The following VAT1L variants were observed in gnomAD, a reference collection of about 807,000 sequenced individuals.
VAT1L encodes the protein putative NADPH-dependent quinone oxidoreductase VAT1L.
In VAT1L, 34 loss-of-function variants were observed where a neutral mutation model predicts 44.1. The ratio of observed to expected loss-of-function variants is 0.77; its 90% CI spans 0.59 to 1.03. The LOEUF is 1.03. VAT1L is among the 50% of genes least tolerant of loss of function. VAT1L has a pLI of 0.00. For missense variants in VAT1L, 615 were observed against 538.8 expected (o/e 1.14, Z -1.40); for synonymous variants, 253 against 202.2 (o/e 1.25, Z -2.13).
chr16:77,971,319 T>C (rs366434), intron 7 of VAT1L, among the ~76,000 whole-genome samples: 152,340 of 152,340 alleles, frequency 1, 76,170 homozygotes, highest in Non-Finnish European at 1. Flanking sequence ...GGGGAGAATA[T>C]TATAGTGTTG....
intron 1 of VAT1L, among the ~76,000 whole-genome samples, chr16:77,796,109 G>A (rs960272430): frequency 3.9e-5 from 6 of 152,144 alleles, no homozygotes; most frequent in African/African-American, 1.4e-4. Context: ...TTACAGGCAT[G>A]AGGCACCACA....
At chr16:77,872,245 T>C (rs1267695285) in intron 4 of VAT1L, among the ~76,000 whole-genome samples, 20 of 152,112 alleles carry the variant, frequency 1.3e-4, no homozygotes, top group Admixed American at 1.3e-3. Flanking sequence ...CTCCCCTGCG[T>C]ACCCACCTCC....
At chr16:77,874,033 A>G (rs1429632990) in intron 4 of VAT1L, among the ~76,000 whole-genome samples, 1 of 152,164 alleles carries the variant, frequency 6.6e-6, no homozygotes, top group Non-Finnish European at 1.5e-5. Context: ...GACTAATACA[A>G]GGAGATATGA....
In VAT1L at chr16:77,884,708, C is replaced by T. The variant is rs772658248; in HGVS notation, c.983C>T (p.Ala328Val). The change falls in exon 7 of 9, where the codon GCG (alanine) becomes GTG (valine). Residue 328 changes from alanine (A) to valine (V), a missense_variant. Coordinates refer to ENST00000302536, the MANE Select transcript of VAT1L (RefSeq NM_020927.3). The surrounding 1 kb of genome is among the most constrained non-coding windows in gnomAD (Gnocchi z 4.5). ...LLNLLFKQGR[A>V]GLIRGVVEKL... The stretch of plus-strand genomic sequence containing the variant: ...AATCTGCTCTTCAAACAAGGCCGGG[C>T]GGGCCTCATTCGGGGAGTGGTGGAA... 21 of 1,610,484 alleles carry T rather than the reference C, an allele frequency of 1.3e-5. No individual in the cohort carries two copies. Among genetic ancestry groups the T allele is most frequent in the Admixed American group, 1.7e-5 (1 of 59,612 alleles).
chr16:77,856,350 A>G (rs983005326), intron 3 of VAT1L, among the ~76,000 whole-genome samples: 1 of 152,174 alleles, frequency 6.6e-6, no homozygotes, highest in African/African-American at 2.4e-5. Context: ...CTGATGCTAA[A>G]TCCTGAATCT....
intron 2 of VAT1L, among the ~76,000 whole-genome samples, chr16:77,818,280 C>T (rs771013662): frequency 1.3e-5 from 2 of 152,298 alleles, no homozygotes; most frequent in South Asian, 2.1e-4. Flanking sequence ...GATCAATATG[C>T]TCCAAATTCA....
intron 7 of VAT1L, among the ~76,000 whole-genome samples, chr16:77,936,685 C>T (rs924973494): frequency 6.6e-6 from 1 of 152,138 alleles, no homozygotes; most frequent in East Asian, 1.9e-4. Context: ...AGGTTCCACA[C>T]AGGAAGAGGA....
intron 1 of VAT1L, among the ~76,000 whole-genome samples, chr16:77,814,938 T>C (rs557700216): frequency 4.3e-4 from 65 of 152,358 alleles, no homozygotes; most frequent in Non-Finnish European, 7.9e-4. Flanking sequence ...ATACTGACTA[T>C]GTACGTGGCA....
At chr16:77,805,365 C>G (rs1398362530) in intron 1 of VAT1L, among the ~76,000 whole-genome samples, 2 of 152,100 alleles carry the variant, frequency 1.3e-5, no homozygotes, top group Non-Finnish European at 2.9e-5. Flanking sequence ...GAGATCAATG[C>G]CTATTTTCCT....
At chr16:77,816,818 A>C (rs2016363463) in intron 1 of VAT1L, 103 bp from the exon 2 acceptor site, 1 of 1,367,778 alleles carries the variant, frequency 7.3e-7, no homozygotes, top group Non-Finnish European at 9.7e-7. Context: ...TGAAGAAGGG[A>C]GGGAGGAAAG....
At chr16:77,830,830 C>G (rs540319987) in intron 3 of VAT1L, among the ~76,000 whole-genome samples, 242 of 152,176 alleles carry the variant, frequency 1.6e-3, no homozygotes, top group Non-Finnish European at 2.9e-3. Context: ...ATTACAGGCC[C>G]GAGCCACCAT....
At chr16:77,940,949 C>T (rs1044799458) in intron 7 of VAT1L, among the ~76,000 whole-genome samples, 9 of 152,266 alleles carry the variant, frequency 5.9e-5, no homozygotes, top group African/African-American at 1.7e-4. Context: ...ATCCCTCTCC[C>T]TTTTCAACAA....
intron 8 of VAT1L, among the ~76,000 whole-genome samples, chr16:77,973,263 C>T (rs1053002685): frequency 6.6e-6 from 1 of 152,138 alleles, no homozygotes; most frequent in South Asian, 2.1e-4. Flanking sequence ...ATTCATAAAG[C>T]ATTGTCTGAT....
chr16:77,851,734 T>G (rs796667056), intron 3 of VAT1L, among the ~76,000 whole-genome samples: 21 of 152,244 alleles, frequency 1.4e-4, no homozygotes, highest in African/African-American at 4.8e-4. Flanking sequence ...GTACTAAGTA[T>G]GCTAACCTGT....
At chr16:77,858,328 G>C (rs1472593691) in intron 3 of VAT1L, among the ~76,000 whole-genome samples, 1 of 152,160 alleles carries the variant, frequency 6.6e-6, no homozygotes, top group Non-Finnish European at 1.5e-5. Flanking sequence ...AATGAGAAGG[G>C]GGAAAGCATG....
At chr16:77,925,894 T>A (rs772845311) in intron 7 of VAT1L, among the ~76,000 whole-genome samples, 48 of 152,122 alleles carry the variant, frequency 3.2e-4, no homozygotes, top group Non-Finnish European at 4.4e-5. Context: ...GCTGCCTAGA[T>A]GCTTTATTGG....
In VAT1L at chr16:77,879,487, C is replaced by T. The variant is rs1326112508; in HGVS notation, c.882+263C>T. Among the ~76,000 whole-genome samples, 3 of 152,210 alleles carry T rather than the reference C, an allele frequency of 2.0e-5. No individual in the cohort carries two copies. ...TGTATTTGTAGTAGAGACGGGGTTTCACCGTGTTGGCCAGGATGGTCTCAA... is the reference window on the plus strand; with the variant it reads ...TGTATTTGTAGTAGAGACGGGGTTTTACCGTGTTGGCCAGGATGGTCTCAA... On this transcript the variant is annotated intron_variant, in intron 6 of 8. Coordinates refer to ENST00000302536, the MANE Select transcript of VAT1L (RefSeq NM_020927.3). This position sits in a 1 kb window ranked among gnomAD's most constrained non-coding sequence, Gnocchi z 4.1.
At chr16:77,815,987 A>AC (rs1384773287) in intron 1 of VAT1L, among the ~76,000 whole-genome samples, 2 of 146,386 alleles carry the variant, frequency 1.4e-5, no homozygotes, top group Non-Finnish European at 3.0e-5. Flanking sequence ...AAAAAAAAAA[A>AC]AAGTACATTA....
chr16:77,916,757 T>A (rs543218645), intron 7 of VAT1L, among the ~76,000 whole-genome samples: 1 of 151,540 alleles, frequency 6.6e-6, no homozygotes, highest in South Asian at 2.1e-4. Context: ...TTTTTAAATT[T>A]ACTCCTACAG....
Sources: allele counts gnomAD v4.1 joint callset (sites outside exome capture counted in the v4.1 genomes callset), GRCh38; gene constraint gnomAD v4.1.1; non-coding constraint Gnocchi (gnomAD v3.1); transcripts MANE v1.5; gene names NCBI Gene and HGNC (gene_info 2026-07-23, HGNC 2026-07-21).